Variants in VPS11 observed in about 807,000 individuals in gnomAD.
VPS11 encodes VPS11 core subunit of CORVET and HOPS complexes, also known as vacuolar protein sorting-associated protein 11 homolog.
VPS11 carries 51 observed loss-of-function variants against 106.8 expected under a neutral mutation model. That is an observed-to-expected ratio of 0.48 (90% CI 0.38 to 0.60). The LOEUF is 0.60. Among genes scored for constraint, VPS11 ranks in the 20% least tolerant of loss-of-function variants. The probability of loss-of-function intolerance (pLI) is 0.00; values close to 1 mark genes in which losing one functional copy is unlikely to be tolerated. For synonymous variants in VPS11, 453 were observed against 458.7 expected (o/e 0.99, Z 0.16); for missense variants, 950 against 1,190.0 (o/e 0.80, Z 2.97).
At chr11:119,069,403 A>C (rs1945283551) in intron 2 of VPS11, 39 bp from the exon 3 acceptor site, 2 of 1,613,788 alleles carry the variant, frequency 1.2e-6, no homozygotes, top group Non-Finnish European at 1.7e-6. Context: ...TTTTTGTTGG[A>C]GGATGACTAG....
At chr11:119,075,221 C>G (rs554189942) in intron 7 of VPS11, among the ~76,000 whole-genome samples, 3 of 151,618 alleles carry the variant, frequency 2.0e-5, no homozygotes, top group Non-Finnish European at 2.9e-5. Context: ...GAGCCGAGAT[C>G]GCACCACTGC....
At chr11:119,072,331 C>T (rs1243534202) in intron 5 of VPS11, 1 of 166,568 alleles carries the variant, frequency 6.0e-6, no homozygotes, top group Non-Finnish European at 1.3e-5. Flanking sequence ...GTTTTTACTG[C>T]AGGTATTTGC....
Position 119,073,800 on chromosome 11 carries a change from A to G in VPS11, c.1087A>G (p.Met363Val). ...QEKDTQTKLE[M>V]LFKKNLFEMA... ...TTTTCTAATCTCTCTTCCCTTCTAGATGCTGTTTAAGAAGAACCTATTTGA... is the reference window on the plus strand; with the variant it reads ...TTTTCTAATCTCTCTTCCCTTCTAGGTGCTGTTTAAGAAGAACCTATTTGA... The change falls in exon 7 of 16, where the codon ATG becomes GTG. Residue 363 changes from methionine (M) to valine (V), a missense_variant and splice_region_variant. By Grantham distance (21) the Met-to-Val change is conservative. Around this residue, in one of 3 missense-constraint regions of VPS11, gnomAD observed 435 missense variants for 630.2 expected, o/e 0.69. Transcript: ENST00000621676. The G allele has an allele frequency of 6.2e-7, 1 of 1,603,608 alleles. No individual in the cohort carries two copies. The highest frequency in any genetic ancestry group is 8.5e-7 in the Non-Finnish European group (1 of 1,171,008).
chr11:119,073,385 C>T lies in VPS11; in HGVS notation c.1072C>T (p.Gln358Ter), dbSNP rs1282868414. ...CCACGCACTGCAGGAGAAGGACACA[C>T]AGACCAAACTGGAGGCAAGGCCACC... ...RVHALQEKDT[Q>*]TKLEMLFKKN... is the part of the protein sequence containing the mutation. Residue 358 changes from glutamine (Q) to a stop codon, truncating the protein, a stop_gained, in exon 6 of 16, where the codon CAG becomes TAG. Coordinates refer to ENST00000621676, the MANE Select transcript of VPS11 (RefSeq NM_021729.6). LOFTEE classifies it high-confidence loss of function. 6.2e-7 allele frequency: 1 copy of T among 1,612,986 alleles called. No homozygotes were observed. The highest frequency in any genetic ancestry group is 8.5e-7 in the Non-Finnish European group (1 of 1,179,862).
At position 119,077,542 on chromosome 11, in the gene VPS11, C is replaced by T. The variant is rs368856409; in HGVS notation, c.1467C>T (p.Ala489=). Residue 489 remains alanine (A), a synonymous_variant, in exon 9 of 16, where the codon GCC becomes GCT. Coordinates refer to ENST00000621676, the MANE Select transcript of VPS11 (RefSeq NM_021729.6). Reference sequence around the variant, plus strand: ...AAGTCCACTTTGATGTGGAGACAGCCATCAAGGTCCTCCGGCAGGCTGGCT... The same window carrying T: ...AAGTCCACTTTGATGTGGAGACAGCTATCAAGGTCCTCCGGCAGGCTGGCT... ...ESEVHFDVET[A]IKVLRQAGYY... The T allele has an allele frequency of 6.2e-7, 1 of 1,613,918 alleles. No homozygotes were observed. Among genetic ancestry groups the T allele is most frequent in the Non-Finnish European group, 8.5e-7 (1 of 1,179,898 alleles).
At chr11:119,074,231 C>G (rs148540530) in intron 7 of VPS11, among the ~76,000 whole-genome samples, 1 of 152,026 alleles carries the variant, frequency 6.6e-6, no homozygotes, top group South Asian at 2.1e-4. Flanking sequence ...ATTACAGGCG[C>G]GTGCCACCAC....
Position 119,071,885 on chromosome 11 carries a change from G to C in VPS11, c.884+42G>C, listed in dbSNP as rs782624831. On this transcript the variant is annotated intron_variant, in intron 5 of 15. Transcript: ENST00000621676. ...AAGGGACAGGGAGAGGGCTGGACTTGTTCCCCAGAATCCGCCTGATTTTAA... is the reference window on the plus strand; with the variant it reads ...AAGGGACAGGGAGAGGGCTGGACTTCTTCCCCAGAATCCGCCTGATTTTAA... 1.0e-5 allele frequency: 16 copies of C among 1,588,418 alleles called. No homozygotes were observed. In the African/African-American group the frequency reaches 1.1e-4, roughly 11 times the overall value.
chr11:119,071,390 A>G (rs992087232), intron 4 of VPS11, among the ~76,000 whole-genome samples: 1 of 152,218 alleles, frequency 6.6e-6, no homozygotes, highest in Non-Finnish European at 1.5e-5. Flanking sequence ...CTAGATAGTG[A>G]TAATATATAC....
At chr11:119,071,244 T>C (rs1349868656) in intron 4 of VPS11, among the ~76,000 whole-genome samples, 1 of 152,202 alleles carries the variant, frequency 6.6e-6, no homozygotes, top group Non-Finnish European at 1.5e-5. Context: ...TCTAACTAAC[T>C]TTTTAAATGA....
rs782720918 is a variant in VPS11, at chr11:119,073,260, T to A, written c.947T>A (p.Leu316Gln). The change falls in exon 6 of 16, where the codon CTG (leucine) becomes CAG (glutamine). Residue 316 changes from leucine to glutamine, a missense_variant. Physicochemically the swap from Leu to Gln is moderately radical, Grantham distance 113 (BLOSUM62 -2). Around this residue, in one of 3 missense-constraint regions of VPS11, gnomAD observed 435 missense variants for 630.2 expected, o/e 0.69. Transcript: ENST00000621676. Reference protein sequence around the residue: ...SDKQILNIYDLCNKFIAYSTV... With the variant: ...SDKQILNIYDQCNKFIAYSTV... Reference sequence around the variant, plus strand: ...AAGCAGATTCTAAACATCTATGACCTGTGCAACAAGTTCATAGCCTATAGC... The same window carrying A: ...AAGCAGATTCTAAACATCTATGACCAGTGCAACAAGTTCATAGCCTATAGC... The A allele has an allele frequency of 6.2e-7, 1 of 1,613,966 alleles. No individual in the cohort carries two copies. Among genetic ancestry groups the A allele is most frequent in the African/African-American group, 1.3e-5 (1 of 75,078 alleles).
chr11:119,078,306 A>G lies in VPS11; in HGVS notation c.1895A>G (p.Gln632Arg). Reference protein sequence around the residue: ...IYDTLLELRLQNWAHEKDPQV... With the variant: ...IYDTLLELRLRNWAHEKDPQV... The stretch of plus-strand genomic sequence containing the variant: ...GACACACTCCTTGAGCTGCGACTGC[A>G]GAACTGGGCCCACGAGAAGGATCCA... The change falls in exon 11 of 16, where the codon CAG becomes CGG. Residue 632 changes from glutamine (Q) to arginine (R), a missense_variant. Coordinates refer to ENST00000621676, the MANE Select transcript of VPS11 (RefSeq NM_021729.6). 6.2e-7 allele frequency: 1 copy of G among 1,612,490 alleles called. No homozygotes were observed. The highest frequency in any genetic ancestry group is 8.5e-7 in the Non-Finnish European group (1 of 1,179,886).
chr11:119,074,545 AG>A (rs1359888901), intron 7 of VPS11, among the ~76,000 whole-genome samples: 2 of 152,118 alleles, frequency 1.3e-5, no homozygotes, highest in Admixed American at 6.6e-5. Context: ...CTGGGATTAC[AG>A]GATCATGCTG....
chr11:119,079,238 G>C lies in VPS11; in HGVS notation c.2376G>C (p.Arg792=). The C allele has an allele frequency of 6.2e-7, 1 of 1,610,136 alleles. No homozygotes were observed. The highest frequency in any genetic ancestry group is 1.3e-5 in the African/African-American group (1 of 74,940). ...AGCAGATTGCACAGGATGAGCTGCG[G>C]GTGCGGCGGTACCGAGAGGAGACCA... ...QSQQIAQDEL[R]VRRYREETTR... Residue 792 remains arginine (R), a synonymous_variant, in exon 14 of 16, where the codon CGG becomes CGC. Transcript: ENST00000621676.
At chr11:119,081,413 G>T (rs782050573) in intron 15 of VPS11, 46 bp from the exon 16 acceptor site, 12 of 1,612,238 alleles carry the variant, frequency 7.4e-6, no homozygotes, top group African/African-American at 4.0e-5. Context: ...TAAGAAACAA[G>T]CACTTTGATT....
intron 7 of VPS11, 38 bp from the exon 8 acceptor site, chr11:119,076,859 A>G (rs782234155): frequency 6.2e-7 from 1 of 1,608,678 alleles, no homozygotes. Flanking sequence ...GGAGAAGTAC[A>G]CTGATTCAGA....
chr11:119,068,742 G>A (rs1273239272), intron 1 of VPS11, among the ~76,000 whole-genome samples: 1 of 149,718 alleles, frequency 6.7e-6, no homozygotes. Flanking sequence ...CATCGCGCCC[G>A]GCGCACTAAA....
Position 119,078,053 on chromosome 11 carries a change from C to T in VPS11, c.1748C>T (p.Ala583Val). The change falls in exon 10 of 16, where the codon GCC becomes GTC. Residue 583 changes from alanine (A) to valine (V), a missense_variant. By Grantham distance (64) the Ala-to-Val change is moderately conservative. This residue lies in a region of VPS11 where 453 missense variants were observed against 514.6 expected (regional missense o/e 0.88). Coordinates refer to ENST00000621676, the MANE Select transcript of VPS11 (RefSeq NM_021729.6). ...PSLEGRSDRE[A>V]PGCRANSEEF... ...CTCGAAGGCCGCAGCGATAGGGAGG[C>T]CCCAGGCTGCAGGGTGAGGCTGCAG... 1.2e-6 allele frequency: 2 copies of T among 1,611,164 alleles called. No homozygotes were observed. The highest frequency in any genetic ancestry group is 8.5e-7 in the Non-Finnish European group (1 of 1,179,858).
Position 119,078,042 on chromosome 11 carries a change from C to A in VPS11, c.1737C>A (p.Ser579Arg), listed in dbSNP as rs375492582. The change falls in exon 10 of 16, where the codon AGC becomes AGA. Residue 579 changes from serine to arginine, a missense_variant. Coordinates refer to ENST00000621676, the MANE Select transcript of VPS11 (RefSeq NM_021729.6). The stretch of plus-strand genomic sequence containing the variant: ...ATCGGCCCAGCCTCGAAGGCCGCAG[C>A]GATAGGGAGGCCCCAGGCTGCAGGG... ...TDYRPSLEGRSDREAPGCRAN... is the reference protein window; with the variant it reads ...TDYRPSLEGRRDREAPGCRAN... 6.2e-7 allele frequency: 1 copy of A among 1,611,772 alleles called. No individual in the cohort carries two copies. The highest frequency in any genetic ancestry group is 1.1e-5 in the South Asian group (1 of 91,072).
intron 7 of VPS11, among the ~76,000 whole-genome samples, chr11:119,075,917 T>C (rs1205142595): frequency 2.5e-5 from 3 of 117,800 alleles, no homozygotes; most frequent in Non-Finnish European, 5.1e-5. Flanking sequence ...TAATAGTAGA[T>C]AATAATAATA....
Sources: gnomAD v4.1 joint callset for allele counts (sites outside exome capture counted in the v4.1 genomes callset) on GRCh38, gnomAD v4.1.1 for gene constraint, gnomAD v4.1.1 regional missense constraint, MANE v1.5 for transcripts, NCBI Gene and HGNC (gene_info 2026-07-23, HGNC 2026-07-21) for gene names.